The following TULP4 variants were observed in gnomAD, a reference collection of about 807,000 sequenced individuals.
TULP4 encodes the protein tubby-related protein 4.
In TULP4, 16 loss-of-function variants were observed where a neutral mutation model predicts 129.0. The observed-to-expected ratio is 0.12, with a 90% CI of 0.08 to 0.19. The LOEUF (loss-of-function observed/expected upper bound fraction) is 0.19, where lower values mean the gene tolerates loss of function less well. Ranked by LOEUF, TULP4 falls within the 10% of genes least tolerant of loss-of-function variation. The pLI is 1.00. For missense variants in TULP4, 1,842 were observed against 2,059.1 expected, an observed-to-expected ratio of 0.89 and a Z score of 2.04; for synonymous variants, 998 against 854.0, an observed-to-expected ratio of 1.17 and a Z score of -2.94.
At chr6:158,433,026 A>C (rs1340283958) in intron 3 of TULP4, among the ~76,000 whole-genome samples, 1 of 152,134 alleles carries the variant, frequency 6.6e-6, no homozygotes, top group African/African-American at 2.4e-5. Context: ...TTATTTCCCT[A>C]ATTGTTACAG....
At position 158,502,734 on chromosome 6, in the gene TULP4, C is replaced by T. The variant is rs1455948689; in HGVS notation, c.3071C>T (p.Thr1024Ile). 1.3e-6 allele frequency: 2 copies of T among 1,576,142 alleles called. No homozygotes were observed. Among genetic ancestry groups the T allele is most frequent in the East Asian group, 4.5e-5 (2 of 44,356 alleles). The stretch of plus-strand genomic sequence containing the variant: ...AAGGGCGGGCCCGGGGGGGTGGTGA[C>T]ACAGCTCCCAGCGCGGCCCCCACCT... ...KSKGGPGGVVTQLPARPPPAL... is the reference protein window; with the variant it reads ...KSKGGPGGVVIQLPARPPPAL... Residue 1024 changes from threonine to isoleucine, a missense_variant, in exon 13 of 14, where the codon ACA becomes ATA. Physicochemically the swap from Thr to Ile is moderately conservative, Grantham distance 89. Around this residue, in one of 5 missense-constraint regions of TULP4, gnomAD observed 1,089 missense variants for 987.1 expected, o/e 1.10. Coordinates refer to ENST00000367097, the MANE Select transcript of TULP4 (RefSeq NM_020245.5).
upstream of TULP4, chr6:158,310,258 A>G (rs980164919): frequency 2.6e-5 from 4 of 152,278 alleles, no homozygotes; most frequent in Non-Finnish European, 5.8e-5. Context: ...GAAGGTGACA[A>G]GGAACTAGCA....
intron 1 of TULP4, among the ~76,000 whole-genome samples, chr6:158,318,081 G>T (rs1779531991): frequency 6.6e-6 from 1 of 152,136 alleles, no homozygotes; most frequent in African/African-American, 2.4e-5. Flanking sequence ...TAGGTAGATT[G>T]CAAAAATTTT....
chr6:158,288,561 C>T (rs1307654447), intron 1 of TULP4, among the ~76,000 whole-genome samples: 3 of 151,704 alleles, frequency 2.0e-5, no homozygotes, highest in East Asian at 1.9e-4. Context: ...AGTGCAGTGG[C>T]GTGATCTCGG....
At chr6:158,442,894 A>AC (rs371691563) in intron 3 of TULP4, among the ~76,000 whole-genome samples, 168 of 151,112 alleles carry the variant, frequency 1.1e-3, no homozygotes, top group Middle Eastern at 0.01. Flanking sequence ...GCTCACTGCA[A>AC]CCTCCACCTC....
intron 1 of TULP4, among the ~76,000 whole-genome samples, chr6:158,366,175 T>C (rs1360824201): frequency 6.6e-6 from 1 of 152,142 alleles, no homozygotes; most frequent in Non-Finnish European, 1.5e-5. Context: ...AGTGCTGGGA[T>C]TACAGGCATG....
At chr6:158,396,927 C>T (rs935748023) in intron 1 of TULP4, among the ~76,000 whole-genome samples, 16 of 152,088 alleles carry the variant, frequency 1.1e-4, no homozygotes, top group African/African-American at 3.1e-4. Flanking sequence ...AGGCGGGCTG[C>T]GTGGTTTTAC....
At chr6:158,363,151 C>G (rs748759482) in intron 1 of TULP4, among the ~76,000 whole-genome samples, 2 of 151,730 alleles carry the variant, frequency 1.3e-5, no homozygotes, top group Admixed American at 1.3e-4. Context: ...CTAATACTTC[C>G]TTTATTCCCT....
chr6:158,445,298 C>T (rs1174182582), intron 3 of TULP4, among the ~76,000 whole-genome samples: 1 of 152,122 alleles, frequency 6.6e-6, no homozygotes, highest in Non-Finnish European at 1.5e-5. Flanking sequence ...CAGTTCGTCA[C>T]AGGAAACAGC....
chr6:158,499,192 G>C (rs1467855087), intron 12 of TULP4, among the ~76,000 whole-genome samples: 1 of 152,196 alleles, frequency 6.6e-6, no homozygotes, highest in Non-Finnish European at 1.5e-5. Context: ...CATTGATCTA[G>C]GCCAGCTTTC....
chr6:158,361,699 A>G (rs1462484722), intron 1 of TULP4, among the ~76,000 whole-genome samples: 2 of 152,226 alleles, frequency 1.3e-5, no homozygotes, highest in African/African-American at 4.8e-5. Context: ...ACTATACAGA[A>G]CTGTAAGAAG....
At chr6:158,333,191 A>G (rs1490268943) in intron 1 of TULP4, among the ~76,000 whole-genome samples, 2 of 152,232 alleles carry the variant, frequency 1.3e-5, no homozygotes, top group African/African-American at 2.4e-5. Flanking sequence ...CCAAAAATTC[A>G]TATGTTGAAG....
intron 1 of TULP4, among the ~76,000 whole-genome samples, chr6:158,257,878 G>A (rs1778277388): frequency 6.6e-6 from 1 of 152,206 alleles, no homozygotes; most frequent in African/African-American, 2.4e-5. Context: ...AGTTAAGTCT[G>A]TGGCCCAAGG....
At chr6:158,272,825 T>A (rs1270947754) in intron 1 of TULP4, among the ~76,000 whole-genome samples, 2 of 152,360 alleles carry the variant, frequency 1.3e-5, no homozygotes, top group African/African-American at 4.8e-5. Context: ...TTTACTATAG[T>A]AGATGTGTAG....
intron 1 of TULP4, among the ~76,000 whole-genome samples, chr6:158,265,379 G>A (rs1234129696): frequency 6.6e-6 from 1 of 152,048 alleles, no homozygotes; most frequent in African/African-American, 2.4e-5. Context: ...TGGCTTAAAT[G>A]TAGTGGCTAA....
chr6:158,347,839 T>C (rs940671639), intron 1 of TULP4, among the ~76,000 whole-genome samples: 5 of 152,224 alleles, frequency 3.3e-5, no homozygotes, highest in Non-Finnish European at 7.3e-5. Context: ...GATTTTTTTT[T>C]CTGAAATAAC....
intron 11 of TULP4, among the ~76,000 whole-genome samples, chr6:158,497,588 G>A (rs1204714788): frequency 2.0e-5 from 3 of 152,098 alleles, no homozygotes; most frequent in Non-Finnish European, 4.4e-5. Context: ...AAATTGCTTT[G>A]TCAATGTGAA....
intron 6 of TULP4, among the ~76,000 whole-genome samples, chr6:158,478,519 C>G (rs1224425921): frequency 2.0e-5 from 3 of 152,188 alleles, no homozygotes; most frequent in Non-Finnish European, 4.4e-5. Context: ...GGGCCTGCCC[C>G]CTGTGTGGAA....
At chr6:158,430,925 G>T (rs954438020) in intron 3 of TULP4, among the ~76,000 whole-genome samples, 1 of 151,920 alleles carries the variant, frequency 6.6e-6, no homozygotes, top group Admixed American at 6.6e-5. Flanking sequence ...TCATTTTTGA[G>T]CCACTTTTTT....
Sources: gnomAD v4.1 joint callset for allele counts (sites outside exome capture counted in the v4.1 genomes callset) on GRCh38, gnomAD v4.1.1 for gene constraint, gnomAD v4.1.1 regional missense constraint, MANE v1.5 for transcripts, NCBI Gene and HGNC (gene_info 2026-07-23, HGNC 2026-07-21) for gene names.